Variants in DLGAP2 observed in about 807,000 individuals in gnomAD.
DLGAP2 encodes the protein DLG associated protein 2.
In DLGAP2, 26 loss-of-function variants were observed where a neutral mutation model predicts 100.3. The ratio of observed to expected loss-of-function variants is 0.26; its 90% CI spans 0.19 to 0.36. The LOEUF (loss-of-function observed/expected upper bound fraction) is 0.36. Ranked by LOEUF, DLGAP2 falls within the 10% of genes least tolerant of loss-of-function variation. The pLI is 1.00. For synonymous variants in DLGAP2, 886 were observed against 630.1 expected (o/e 1.41, Z -6.08); for missense variants, 1,858 against 1,453.2 (o/e 1.28, Z -4.53).
intron 3 of DLGAP2, among the ~76,000 whole-genome samples, chr8:1,439,291 G>A (rs545659121): frequency 2.0e-5 from 3 of 152,300 alleles, no homozygotes; most frequent in Middle Eastern, 3.4e-3. Context: ...AGGGAAGGAG[G>A]GACAGAGGCT....
intron 3 of DLGAP2, among the ~76,000 whole-genome samples, chr8:1,494,079 A>G (rs1799473791): frequency 6.6e-6 from 1 of 152,080 alleles, no homozygotes; most frequent in Non-Finnish European, 1.5e-5. Context: ...AACACATAAC[A>G]AACACTCTGC....
chr8:899,484 C>A (rs1364308664), intron 1 of DLGAP2, among the ~76,000 whole-genome samples: 1 of 152,202 alleles, frequency 6.6e-6, no homozygotes, highest in Non-Finnish European at 1.5e-5. Flanking sequence ...CATGACTGGC[C>A]TGCGAGAGGC....
intron 1 of DLGAP2, among the ~76,000 whole-genome samples, chr8:819,152 G>A (rs977466854): frequency 6.6e-6 from 1 of 152,180 alleles, no homozygotes; most frequent in Non-Finnish European, 1.5e-5. Flanking sequence ...CAAAATGTTA[G>A]CCAGTTGAAT....
At chr8:1,276,328 A>G (rs894659655) in intron 3 of DLGAP2, among the ~76,000 whole-genome samples, 1 of 151,966 alleles carries the variant, frequency 6.6e-6, no homozygotes, top group Non-Finnish European at 1.5e-5. Flanking sequence ...AGTGTCTTGG[A>G]CTGACACATG....
At chr8:968,008 A>G (rs1799922968) in intron 2 of DLGAP2, among the ~76,000 whole-genome samples, 1 of 150,660 alleles carries the variant, frequency 6.6e-6, no homozygotes, top group East Asian at 2.0e-4. Context: ...ACACAAATGC[A>G]CTCACACACG....
At chr8:1,213,942 T>G (rs4361784) in intron 2 of DLGAP2, among the ~76,000 whole-genome samples, 15,126 of 152,068 alleles carry the variant, frequency 0.099, 1,572 homozygotes, top group African/African-American at 0.27. Context: ...TGAGCTGAGG[T>G]TGACGGTGTA....
intron 3 of DLGAP2, among the ~76,000 whole-genome samples, chr8:1,472,018 G>T (rs975591474): frequency 1.7e-4 from 26 of 152,244 alleles, no homozygotes; most frequent in African/African-American, 6.3e-4. Context: ...CAGGCACTAC[G>T]TTAAGGATAA....
chr8:1,625,746 G>A (rs1165583672), intron 6 of DLGAP2, among the ~76,000 whole-genome samples: 1 of 152,214 alleles, frequency 6.6e-6, no homozygotes, highest in Admixed American at 6.5e-5. Flanking sequence ...TAAAAATATG[G>A]AATGACCCAA....
Position 1,256,203 on chromosome 8 carries a change from A to G in DLGAP2, c.74-2648A>G, listed in dbSNP as rs1446645767. Among the ~76,000 whole-genome samples the G allele has an allele frequency of 1.6e-4, 5 of 31,028 alleles. No homozygotes were observed. The Admixed American group carries it at 1.7e-3, about 10-fold the overall frequency. The allele number at this position is 31,028 out of a possible 152,430, so 20.4% of individuals were successfully genotyped here. The stretch of plus-strand genomic sequence containing the variant: ...GCCTGGGTGCTGTGTGTGTCCTCTC[A>G]TGCCCGGGTGCTGTGTGTGTGCCCT... On this transcript the variant is annotated intron_variant, in intron 2 of 14. Coordinates refer to ENST00000637795, the MANE Select transcript of DLGAP2 (RefSeq NM_001346810.2).
At chr8:1,096,713 G>A (rs557785037) in intron 2 of DLGAP2, among the ~76,000 whole-genome samples, 61 of 142,134 alleles carry the variant, frequency 4.3e-4, no homozygotes, top group East Asian at 2.0e-3. Flanking sequence ...CCCCTCCAGC[G>A]TGAGACCCAG....
chr8:1,271,031 A>G (rs1475622937), intron 3 of DLGAP2, among the ~76,000 whole-genome samples: 1 of 152,170 alleles, frequency 6.6e-6, no homozygotes, highest in African/African-American at 2.4e-5. Context: ...CGGATGACCC[A>G]TTTCCTAATA....
chr8:1,683,012 T>C (rs552659577), intron 12 of DLGAP2, among the ~76,000 whole-genome samples: 4 of 151,694 alleles, frequency 2.6e-5, no homozygotes, highest in East Asian at 1.9e-4. Flanking sequence ...TAGATATTTA[T>C]TGATTACTTA....
Position 1,163,518 on chromosome 8 carries a change from G to A in DLGAP2, c.74-95333G>A, listed in dbSNP as rs548565868. On this transcript the variant is annotated intron_variant, in intron 2 of 14. Transcript: ENST00000637795. Reference sequence around the variant, plus strand: ...ATTCACCAAGATTCCAAAGACTCGGGAGCTGTAGGATTTGGGATTCATTAG... The same window carrying A: ...ATTCACCAAGATTCCAAAGACTCGGAAGCTGTAGGATTTGGGATTCATTAG... Among the ~76,000 whole-genome samples, 8 of 152,366 alleles carry A rather than the reference G, an allele frequency of 5.3e-5. No individual in the cohort carries two copies. In the South Asian group the frequency reaches 1.7e-3, roughly 32 times the overall value.
At position 1,549,653 on chromosome 8, in the gene DLGAP2, G is replaced by T. The variant is rs1212065907; in HGVS notation, c.1200G>T (p.Lys400Asn). 1.3e-6 allele frequency: 2 copies of T among 1,570,032 alleles called. No individual in the cohort carries two copies. The highest frequency in any genetic ancestry group is 2.4e-5 in the East Asian group (1 of 41,994). ...LDKPLLHQDA[K>N]PALRPCHYLQ... ...AGCCGCTGCTGCACCAGGACGCCAAGCCCGCCCTGAGGCCGTGCCACTACC... is the reference window on the plus strand; with the variant it reads ...AGCCGCTGCTGCACCAGGACGCCAATCCCGCCCTGAGGCCGTGCCACTACC... Residue 400 changes from lysine to asparagine, a missense_variant, in exon 5 of 15, where the codon AAG becomes AAT. Coordinates refer to ENST00000637795, the MANE Select transcript of DLGAP2 (RefSeq NM_001346810.2).
At chr8:1,308,687 G>T (rs150969075) in intron 3 of DLGAP2, among the ~76,000 whole-genome samples, 337 of 152,202 alleles carry the variant, frequency 2.2e-3, no homozygotes, top group African/African-American at 7.8e-3. Context: ...TACCATGACA[G>T]GCTAATTTTG....
chr8:950,741 C>G (rs1172391351), intron 2 of DLGAP2, among the ~76,000 whole-genome samples: 1 of 151,634 alleles, frequency 6.6e-6, no homozygotes, highest in Non-Finnish European at 1.5e-5. Context: ...CCTGCCTCAG[C>G]CTCCCGAGTA....
chr8:1,156,639 G>GCTCAGTGCCCCA (rs1554493440), intron 2 of DLGAP2, among the ~76,000 whole-genome samples: 7 of 147,438 alleles, frequency 4.7e-5, no homozygotes, highest in Admixed American at 1.3e-4. Context: ...CCAGCGCCCC[G>GCTCAGTGCCCCA]GCTCAGCGCC....
At chr8:1,280,300 G>A (rs149886933) in intron 3 of DLGAP2, among the ~76,000 whole-genome samples, 11 of 152,082 alleles carry the variant, frequency 7.2e-5, no homozygotes, top group African/African-American at 1.2e-4. Context: ...GGCTGTACTC[G>A]TAACCCCTTC....
At chr8:927,600 G>T (rs1414672378) in intron 2 of DLGAP2, among the ~76,000 whole-genome samples, 1 of 152,178 alleles carries the variant, frequency 6.6e-6, no homozygotes, top group African/African-American at 2.4e-5. Flanking sequence ...TAACAATTCT[G>T]TTCTTAACAG....
Sources: gnomAD v4.1 joint callset for allele counts (sites outside exome capture counted in the v4.1 genomes callset) on GRCh38, gnomAD v4.1.1 for gene constraint, MANE v1.5 for transcripts, NCBI Gene and HGNC (gene_info 2026-07-23, HGNC 2026-07-21) for gene names.